The following PDE1A variants were observed in gnomAD, a reference collection of about 807,000 sequenced individuals.
PDE1A encodes the protein dual specificity calcium/calmodulin-dependent 3',5'-cyclic nucleotide phosphodiesterase 1A.
PDE1A carries 35 observed loss-of-function variants against 61.7 expected under a neutral mutation model. The ratio of observed to expected loss-of-function variants is 0.57; its 90% CI spans 0.43 to 0.75. The LOEUF (loss-of-function observed/expected upper bound fraction) is 0.75, where lower values mean the gene tolerates loss of function less well. PDE1A is among the 30% of genes least tolerant of loss of function. PDE1A has a pLI of 0.00. For missense variants in PDE1A, 597 were observed against 630.6 expected (o/e 0.95, Z 0.57); for synonymous variants, 232 against 213.2 (o/e 1.09, Z -0.77).
At chr2:182,160,371 A>T (rs1309697832) in intron 13 of PDE1A, among the ~76,000 whole-genome samples, 6 of 152,158 alleles carry the variant, frequency 3.9e-5, no homozygotes, top group Non-Finnish European at 8.8e-5. Context: ...GAACTGGGCC[A>T]CCCTCAATGT....
chr2:182,240,215 G>C, exon 3 of PDE1A: 1 of 1,613,872 alleles, frequency 6.2e-7, no homozygotes, highest in Non-Finnish European at 8.5e-7. Context: ...AAAGGTAGAA[G>C]CCAACCAGTC....
At chr2:182,695,482 C>T in the PDE1A span, among the ~76,000 whole-genome samples, 1 of 152,020 alleles carries the variant, frequency 6.6e-6, no homozygotes, top group East Asian at 1.9e-4. Flanking sequence ...CTGGCTAACA[C>T]GGTGAAACTC....
chr2:182,364,225 T>C (rs1344977933), intron 1 of PDE1A, among the ~76,000 whole-genome samples: 3 of 151,850 alleles, frequency 2.0e-5, no homozygotes, highest in Admixed American at 6.6e-5. Context: ...AAGGCTAATG[T>C]GGCCAAGAGC....
chr2:182,612,259 T>A, the PDE1A span, among the ~76,000 whole-genome samples: 1 of 152,204 alleles, frequency 6.6e-6, no homozygotes, highest in African/African-American at 2.4e-5. Context: ...GACAAAGATA[T>A]CAATTTCACA....
rs372692846 is a variant in PDE1A at position 182,305,794 on chromosome 2, A to G, written c.54-41380T>C. 1.3e-4 allele frequency among the ~76,000 whole-genome samples: 20 copies of G among 152,132 alleles called. No individual in the cohort carries two copies. The East Asian group carries it at 2.5e-3, about 19-fold the overall frequency. On this transcript the variant is annotated intron_variant, in intron 1 of 13. Coordinates refer to ENST00000351439, the Ensembl canonical transcript of PDE1A. The stretch of plus-strand genomic sequence containing the variant: ...ATAATTGTATATATTTATGAGGTAA[A>G]AGTGATATTATGATATAGGTATACA...
At chr2:182,183,044 C>T (rs2125381766) in intron 13 of PDE1A, among the ~76,000 whole-genome samples, 1 of 152,148 alleles carries the variant, frequency 6.6e-6, no homozygotes, top group South Asian at 2.1e-4. Flanking sequence ...CCCTATAACC[C>T]TTATTTCTAG....
At chr2:182,294,629 C>T (rs1426150041) in intron 1 of PDE1A, among the ~76,000 whole-genome samples, 3 of 152,172 alleles carry the variant, frequency 2.0e-5, no homozygotes, top group African/African-American at 7.2e-5. Flanking sequence ...CTGTGTCTTT[C>T]AGCATCAGCT....
intron 1 of PDE1A, among the ~76,000 whole-genome samples, chr2:182,334,897 C>A (rs1027160081): frequency 6.6e-6 from 1 of 152,154 alleles, no homozygotes; most frequent in East Asian, 1.9e-4. Flanking sequence ...AGCCCAAAAT[C>A]CCCTTAAGCT....
intron 7 of PDE1A, among the ~76,000 whole-genome samples, chr2:182,215,510 G>A (rs1688084797): frequency 6.6e-6 from 1 of 151,508 alleles, no homozygotes; most frequent in Non-Finnish European, 1.5e-5. Context: ...AAAATTGACA[G>A]ACCGCTAGCA....
At chr2:182,254,110 G>C (rs1216142236) in intron 2 of PDE1A, among the ~76,000 whole-genome samples, 1 of 152,092 alleles carries the variant, frequency 6.6e-6, no homozygotes, top group East Asian at 1.9e-4. Flanking sequence ...TCAACACATA[G>C]AGCTTTTTTG....
intron 2 of PDE1A, among the ~76,000 whole-genome samples, chr2:182,445,947 T>C (rs559616279): frequency 1.0e-3 from 152 of 152,208 alleles, no homozygotes; most frequent in African/African-American, 3.6e-3. Context: ...CATTAGGCAA[T>C]TAGTTATGAT....
chr2:182,352,636 G>C (rs1236519603), intron 1 of PDE1A, among the ~76,000 whole-genome samples: 3 of 151,496 alleles, frequency 2.0e-5, no homozygotes, highest in Admixed American at 6.6e-5. Context: ...TTACTGGAAA[G>C]TGATGCTCAC....
chr2:182,365,746 T>G (rs148314175), intron 1 of PDE1A, among the ~76,000 whole-genome samples: 3 of 152,020 alleles, frequency 2.0e-5, no homozygotes, highest in Non-Finnish European at 2.9e-5. Context: ...CAGAATTCTT[T>G]TGATTGAACA....
the PDE1A span, among the ~76,000 whole-genome samples, chr2:182,608,330 G>A: frequency 2.0e-5 from 3 of 152,202 alleles, no homozygotes; most frequent in African/African-American, 4.8e-5. Flanking sequence ...GGTGACACCC[G>A]GGCTCGCTCT....
intron 1 of PDE1A, among the ~76,000 whole-genome samples, chr2:182,417,831 A>C (rs1394389179): frequency 6.6e-6 from 1 of 152,192 alleles, no homozygotes; most frequent in African/African-American, 2.4e-5. Flanking sequence ...CTCTGGTTAC[A>C]AATGCAGAAG....
chr2:182,364,103 T>C (rs1699671845), intron 1 of PDE1A, among the ~76,000 whole-genome samples: 1 of 151,948 alleles, frequency 6.6e-6, no homozygotes, highest in African/African-American at 2.4e-5. Flanking sequence ...ACCCAGGTCT[T>C]AGCCCTAAAT....
the PDE1A span, among the ~76,000 whole-genome samples, chr2:182,601,489 T>C: frequency 6.6e-6 from 1 of 152,208 alleles, no homozygotes; most frequent in Non-Finnish European, 1.5e-5. Flanking sequence ...GCAAGGGGTA[T>C]GTTTCTGTCC....
intron 2 of PDE1A, among the ~76,000 whole-genome samples, chr2:182,434,856 A>C (rs1704132552): frequency 6.6e-6 from 1 of 152,028 alleles, no homozygotes; most frequent in Non-Finnish European, 1.5e-5. Context: ...CAATAACAAA[A>C]TACACAAGAA....
At chr2:182,264,722 T>G (rs1470711742) in intron 1 of PDE1A, among the ~76,000 whole-genome samples, 1 of 151,326 alleles carries the variant, frequency 6.6e-6, no homozygotes, top group Non-Finnish European at 1.5e-5. Context: ...AAAAGTATAT[T>G]CCTATAATTT....
Sources: allele counts gnomAD v4.1 joint callset (sites outside exome capture counted in the v4.1 genomes callset), GRCh38; gene constraint gnomAD v4.1.1; transcripts MANE v1.5; gene names NCBI Gene and HGNC (gene_info 2026-07-23, HGNC 2026-07-21).